Variants in IQGAP2 observed in about 807,000 individuals in gnomAD.
The protein encoded by IQGAP2 is ras GTPase-activating-like protein IQGAP2.
In IQGAP2, 173 loss-of-function variants were observed where a neutral mutation model predicts 201.3. That is an observed-to-expected ratio of 0.86 (90% CI 0.76 to 0.98). The LOEUF (loss-of-function observed/expected upper bound fraction) is 0.98. Ranked by LOEUF, IQGAP2 falls within the 50% of genes least tolerant of loss-of-function variation. The pLI, the probability that IQGAP2 is intolerant of heterozygous loss-of-function variation, is 0.00. For missense variants in IQGAP2, 1,687 were observed against 1,864.8 expected, an observed-to-expected ratio of 0.90 and a Z score of 1.76; for synonymous variants, 675 against 673.9, an observed-to-expected ratio of 1.00 and a Z score of -0.03.
rs71604297 is a variant in IQGAP2, at chr5:76,610,050, T to TTCTCTCTCTCTCTCTC, written c.1358-958_1358-943dup. Among the ~76,000 whole-genome samples, 137 of 19,032 alleles carry TTCTCTCTCTCTCTCTC rather than the reference T, an allele frequency of 7.2e-3. 27 individuals carry two copies. The highest frequency in any genetic ancestry group is 0.02 in the Admixed American group (18 of 904). 12.5% of individuals were successfully genotyped at this position (19,032 alleles called of 152,430 possible). A position where few individuals can be genotyped will look rare whatever the true frequency, so the allele number is the denominator to read the frequency against. On this transcript the variant is annotated intron_variant, in intron 12 of 35. Coordinates refer to ENST00000274364, the MANE Select transcript of IQGAP2 (RefSeq NM_006633.5). Reference sequence around the variant, plus strand: ...CCCTATAGTCAGTCTTGTTCTCTCTTTCTCTCTCTCTCTCTCTCTCTCTCT... The same window carrying TTCTCTCTCTCTCTCTC: ...CCCTATAGTCAGTCTTGTTCTCTCTTTCTCTCTCTCTCTCTCTCTCTCTCTCTCTCTCTCTCTCTCT...
chr5:76,704,802 T>C (rs1029071428), intron 35 of IQGAP2, among the ~76,000 whole-genome samples: 1 of 152,160 alleles, frequency 6.6e-6, no homozygotes, highest in African/African-American at 2.4e-5. Context: ...TTTCAGTCAA[T>C]TGCATGAATG....
At chr5:76,644,295 C>CTTTTTTTTTTTTTTTTTTTTTT (rs547155944) in intron 17 of IQGAP2, among the ~76,000 whole-genome samples, 1,237 of 47,342 alleles carry the variant, frequency 0.026, 297 homozygotes, top group Middle Eastern at 0.042. Context: ...TTTGTAAATC[C>CTTTTTTTTTTTTTTTTTTTTTT]TTTTTTTTTT....
chr5:76,500,031 G>A (rs151337155), intron 2 of IQGAP2, among the ~76,000 whole-genome samples: 71 of 152,256 alleles, frequency 4.7e-4, no homozygotes, highest in Non-Finnish European at 9.3e-4. Context: ...TTGCTTGAGC[G>A]TGGGAGGTTG....
intron 2 of IQGAP2, among the ~76,000 whole-genome samples, chr5:76,525,851 G>A (rs576535156): frequency 1.8e-4 from 27 of 152,196 alleles, no homozygotes; most frequent in African/African-American, 4.8e-4. Context: ...ATGGTGATGG[G>A]CATAAATGAT....
intron 1 of IQGAP2, among the ~76,000 whole-genome samples, chr5:76,442,875 T>C (rs1753129805): frequency 6.6e-6 from 1 of 152,148 alleles, no homozygotes; most frequent in Non-Finnish European, 1.5e-5. Context: ...TAATCCCAGC[T>C]ACTTGGGATG....
intron 2 of IQGAP2, among the ~76,000 whole-genome samples, chr5:76,506,933 C>T (rs1757635545): frequency 6.6e-6 from 1 of 152,102 alleles, no homozygotes; most frequent in African/African-American, 2.4e-5. Flanking sequence ...GTCAAGATAC[C>T]AGTTCTTCCC....
At chr5:76,485,327 C>A (rs1756054916) in intron 2 of IQGAP2, among the ~76,000 whole-genome samples, 1 of 152,180 alleles carries the variant, frequency 6.6e-6, no homozygotes, top group African/African-American at 2.4e-5. Flanking sequence ...AACATATTCA[C>A]ATATGGCAAA....
intron 30 of IQGAP2, among the ~76,000 whole-genome samples, chr5:76,684,750 A>C (rs375085588): frequency 2.6e-5 from 4 of 152,168 alleles, no homozygotes; most frequent in East Asian, 3.9e-4. Flanking sequence ...CTGAGTTCTG[A>C]GGTTTTAATT....
At position 76,701,222 on chromosome 5, in the gene IQGAP2, G is replaced by A; in HGVS notation, c.4505+9G>A. On this transcript the variant is annotated intron_variant, in intron 34 of 35. Coordinates refer to ENST00000274364, the MANE Select transcript of IQGAP2 (RefSeq NM_006633.5). Reference sequence around the variant, plus strand: ...GATCTTCAAACAAACCAGTAAGTGTGACCTGGAATCTGCATAGAACACGCA... The same window carrying A: ...GATCTTCAAACAAACCAGTAAGTGTAACCTGGAATCTGCATAGAACACGCA... 1 of 1,613,764 alleles carries A rather than the reference G, an allele frequency of 6.2e-7. No individual in the cohort carries two copies. The highest frequency in any genetic ancestry group is 1.3e-5 in the African/African-American group (1 of 75,060).
chr5:76,473,604 G>T (rs955882372), intron 2 of IQGAP2, among the ~76,000 whole-genome samples: 3 of 152,172 alleles, frequency 2.0e-5, no homozygotes, highest in African/African-American at 7.2e-5. Flanking sequence ...GCCTCCCAAA[G>T]TGCTGGAATT....
At chr5:76,590,878 G>C (rs1746599663) in intron 8 of IQGAP2, among the ~76,000 whole-genome samples, 1 of 152,206 alleles carries the variant, frequency 6.6e-6, no homozygotes. Context: ...TTTGAGTCCA[G>C]GAGTTCAAAA....
intron 6 of IQGAP2, 43 bp downstream of exon 6, chr5:76,589,016 A>T (rs748972150): frequency 7.2e-7 from 1 of 1,387,240 alleles, no homozygotes; most frequent in South Asian, 1.2e-5. Context: ...TCTAGTTATA[A>T]AAAGTACCAA....
At chr5:76,425,645 A>G (rs989268826) in intron 1 of IQGAP2, among the ~76,000 whole-genome samples, 3 of 152,188 alleles carry the variant, frequency 2.0e-5, no homozygotes, top group Admixed American at 1.3e-4. Context: ...CAAAAGAAAA[A>G]AAAACCCACA....
chr5:76,637,859 G>T (rs1235313432), intron 16 of IQGAP2, among the ~76,000 whole-genome samples: 1 of 152,192 alleles, frequency 6.6e-6, no homozygotes, highest in Non-Finnish European at 1.5e-5. Flanking sequence ...ATGTGTCCAT[G>T]TATTGTACTA....
At chr5:76,661,558 AT>A (rs1743247111) in intron 21 of IQGAP2, among the ~76,000 whole-genome samples, 1 of 152,182 alleles carries the variant, frequency 6.6e-6, no homozygotes, top group Non-Finnish European at 1.5e-5. Context: ...TTAATACTTA[AT>A]TATACTACTT....
At chr5:76,444,135 C>T (rs1753225283) in intron 1 of IQGAP2, among the ~76,000 whole-genome samples, 2 of 152,134 alleles carry the variant, frequency 1.3e-5, no homozygotes, top group South Asian at 2.1e-4. Flanking sequence ...CCTGTAATCC[C>T]ATCACATTGG....
chr5:76,560,058 G>A (rs1744253647), intron 2 of IQGAP2, among the ~76,000 whole-genome samples: 1 of 152,176 alleles, frequency 6.6e-6, no homozygotes, highest in African/African-American at 2.4e-5. Context: ...TTAATTGTAT[G>A]TATAGCTCAC....
intron 12 of IQGAP2, among the ~76,000 whole-genome samples, chr5:76,609,861 GTGTGTC>G (rs1050345254): frequency 7.3e-5 from 11 of 150,668 alleles, no homozygotes; most frequent in Admixed American, 1.3e-4. Context: ...GTGTGTGTGT[GTGTGTC>G]TGTGTGTGCA....
chr5:76,474,858 A>G (rs976922162), intron 2 of IQGAP2, among the ~76,000 whole-genome samples: 1 of 152,152 alleles, frequency 6.6e-6, no homozygotes, highest in African/African-American at 2.4e-5. Context: ...AATCACAGGC[A>G]TGCATCACCA....
Sources: gnomAD v4.1 joint callset for allele counts (sites outside exome capture counted in the v4.1 genomes callset) on GRCh38, gnomAD v4.1.1 for gene constraint, MANE v1.5 for transcripts, NCBI Gene and HGNC (gene_info 2026-07-23, HGNC 2026-07-21) for gene names.